Variants in NRIP1 observed in about 807,000 individuals in gnomAD.
The protein encoded by NRIP1 is nuclear receptor interacting protein 1, also known as nuclear receptor-interacting protein 1.
NRIP1 carries 28 observed loss-of-function variants against 75.0 expected under a neutral mutation model. The observed-to-expected ratio is 0.37, with a 90% CI of 0.28 to 0.51. The LOEUF is 0.51. Among genes scored for constraint, NRIP1 ranks in the 20% least tolerant of loss-of-function variants. The pLI, the probability that NRIP1 is intolerant of heterozygous loss-of-function variation, is 0.92. For missense variants in NRIP1, 1,435 were observed against 1,343.7 expected (o/e 1.07, Z -1.06); for synonymous variants, 526 against 487.6 (o/e 1.08, Z -1.04).
chr21:15,044,052 C>T (rs2089017380), intron 1 of NRIP1, among the ~76,000 whole-genome samples: 1 of 152,134 alleles, frequency 6.6e-6, no homozygotes, highest in Non-Finnish European at 1.5e-5. Context: ...CTCCTGACCT[C>T]AGGTGATCCA....
At chr21:14,978,652 C>A (rs1472349205) in intron 3 of NRIP1, among the ~76,000 whole-genome samples, 1 of 151,972 alleles carries the variant, frequency 6.6e-6, no homozygotes, top group East Asian at 1.9e-4. Flanking sequence ...AAAGAAACAC[C>A]CCATAATTGA....
intron 2 of NRIP1, among the ~76,000 whole-genome samples, chr21:15,023,111 T>G (rs1203055679): frequency 6.6e-6 from 1 of 152,148 alleles, no homozygotes; most frequent in Non-Finnish European, 1.5e-5. Context: ...GGAGCTCCTT[T>G]TAAGATCATG....
At chr21:15,025,867 T>C (rs1384524720) in intron 2 of NRIP1, among the ~76,000 whole-genome samples, 1 of 152,188 alleles carries the variant, frequency 6.6e-6, no homozygotes, top group African/African-American at 2.4e-5. Flanking sequence ...AGTCAAAGAC[T>C]GAAGAACTGT....
chr21:15,033,846 G>A (rs892641436), intron 2 of NRIP1, among the ~76,000 whole-genome samples: 2 of 152,142 alleles, frequency 1.3e-5, no homozygotes, highest in Non-Finnish European at 2.9e-5. Flanking sequence ...TCACTCCCCA[G>A]TAAACCTCAA....
intron 3 of NRIP1, among the ~76,000 whole-genome samples, chr21:14,974,932 A>G (rs1453173585): frequency 6.6e-6 from 1 of 151,582 alleles, no homozygotes; most frequent in East Asian, 1.9e-4. Context: ...ACATGGCGAG[A>G]CCCCATCTTT....
At chr21:15,051,344 T>G (rs1170288465) in intron 1 of NRIP1, 1 of 159,606 alleles carries the variant, frequency 6.3e-6, no homozygotes, top group African/African-American at 2.4e-5. Flanking sequence ...TAAAAAATTA[T>G]TACACCTTTA....
At chr21:15,058,275 T>C (rs147349826) in intron 1 of NRIP1, among the ~76,000 whole-genome samples, 2 of 152,290 alleles carry the variant, frequency 1.3e-5, no homozygotes, top group East Asian at 1.9e-4. Flanking sequence ...ACATAACCCA[T>C]TGTGCAAACA....
At position 14,967,901 on chromosome 21, in the gene NRIP1, G is replaced by A. The variant is rs749079684; in HGVS notation, c.292C>T (p.Arg98Trp). 9.4e-5 allele frequency: 152 copies of A among 1,613,948 alleles called. No individual in the cohort carries two copies. Among genetic ancestry groups the A allele is most frequent in the Middle Eastern group, 1.6e-4 (1 of 6,084 alleles). ...ATGATAGAATCAGACAGCCTCTTCC[G>A]CTTTGCTGCATTCCAGTCCTCAGAA... is the stretch of plus-strand genomic sequence containing the variant. ...QSSEDWNAAK[R>W]KRLSDSIMNL... The change falls in exon 4 of 4, where the codon CGG (arginine) becomes TGG (tryptophan). Residue 98 changes from arginine to tryptophan, a missense_variant. Transcript: ENST00000318948.
At chr21:15,005,399 T>C (rs1001168975) in intron 3 of NRIP1, among the ~76,000 whole-genome samples, 1 of 152,158 alleles carries the variant, frequency 6.6e-6, no homozygotes, top group Admixed American at 6.5e-5. Context: ...AAAAGTCTTC[T>C]TCCTCAGTTC....
chr21:15,011,128 T>TG (rs1399250724), intron 3 of NRIP1, among the ~76,000 whole-genome samples: 1 of 152,250 alleles, frequency 6.6e-6, no homozygotes, highest in Non-Finnish European at 1.5e-5. Flanking sequence ...TTTATGAAGT[T>TG]GGACAGGCAT....
Position 14,967,849 on chromosome 21 carries a change from A to G in NRIP1, c.344T>C (p.Leu115Ser), listed in dbSNP as rs2086798468. The G allele has an allele frequency of 6.2e-7, 1 of 1,614,076 alleles. No homozygotes were observed. The highest frequency in any genetic ancestry group is 8.5e-7 in the Non-Finnish European group (1 of 1,180,016). The change falls in exon 4 of 4, where the codon TTG becomes TCG. Residue 115 changes from leucine (L) to serine (S), a missense_variant. Leu to Ser is a moderately radical substitution (Grantham distance 145, BLOSUM62 -2). Coordinates refer to ENST00000318948, the MANE Select transcript of NRIP1 (RefSeq NM_003489.4). ...CACACTGTCAACCATGCCAGCTAGCAAAGCTTCCTTCTTTACGTTTAAATT... is the reference window on the plus strand; with the variant it reads ...CACACTGTCAACCATGCCAGCTAGCGAAGCTTCCTTCTTTACGTTTAAATT... ...IMNLNVKKEA[L>S]LAGMVDSVPK...
intron 3 of NRIP1, among the ~76,000 whole-genome samples, chr21:14,974,928 C>T (rs748861451): frequency 5.3e-5 from 8 of 151,674 alleles, no homozygotes; most frequent in South Asian, 2.1e-4. Flanking sequence ...GGCAACATGG[C>T]GAGACCCCAT....
chr21:15,059,192 A>G (rs1287362105), intron 1 of NRIP1, among the ~76,000 whole-genome samples: 1 of 152,224 alleles, frequency 6.6e-6, no homozygotes, highest in Non-Finnish European at 1.5e-5. Context: ...AATTCCCAGC[A>G]GAATTCTAGT....
chr21:15,063,922 G>A (rs1322191856), intron 1 of NRIP1, among the ~76,000 whole-genome samples: 1 of 152,194 alleles, frequency 6.6e-6, no homozygotes, highest in East Asian at 1.9e-4. Flanking sequence ...CTCCCAGCCT[G>A]TCCGCCTCTA....
intron 1 of NRIP1, chr21:15,050,870 C>T (rs1158857333): frequency 2.2e-6 from 1 of 456,046 alleles, no homozygotes; most frequent in Non-Finnish European, 4.4e-6. Flanking sequence ...AGGCAATATT[C>T]CCCTGCCTGG....
intron 3 of NRIP1, among the ~76,000 whole-genome samples, chr21:15,007,616 T>C (rs1259231344): frequency 6.6e-6 from 1 of 152,162 alleles, no homozygotes; most frequent in Non-Finnish European, 1.5e-5. Flanking sequence ...CATTAAGTAT[T>C]AGGTAAGGGT....
At chr21:15,019,781 C>T (rs1042354694) in intron 2 of NRIP1, among the ~76,000 whole-genome samples, 1 of 152,048 alleles carries the variant, frequency 6.6e-6, no homozygotes, top group African/African-American at 2.4e-5. Context: ...AGCCACCACA[C>T]CTGGCCATTA....
intron 1 of NRIP1, among the ~76,000 whole-genome samples, chr21:15,054,976 T>C (rs1361850985): frequency 2.0e-5 from 3 of 152,214 alleles, no homozygotes; most frequent in Non-Finnish European, 2.9e-5. Flanking sequence ...AGAATATTCC[T>C]TTCCAATTTG....
chr21:14,966,284 A>G lies in NRIP1; in HGVS notation c.1909T>C (p.Cys637Arg), dbSNP rs948259983. The G allele has an allele frequency of 5.6e-6, 9 of 1,614,072 alleles. No homozygotes were observed. Among genetic ancestry groups the G allele is most frequent in the Non-Finnish European group, 7.6e-6 (9 of 1,179,980 alleles). Reference protein sequence around the residue: ...ASKLLQNLAQCGMQSSMSVEE... With the variant: ...ASKLLQNLAQRGMQSSMSVEE... Reference sequence around the variant, plus strand: ...ACTGACATGGATGACTGCATTCCACATTGTGCTAAATTTTGTAACAGCTTA... The same window carrying G: ...ACTGACATGGATGACTGCATTCCACGTTGTGCTAAATTTTGTAACAGCTTA... Residue 637 changes from cysteine to arginine, a missense_variant, in exon 4 of 4, where the codon TGT becomes CGT. By Grantham distance (180) the Cys-to-Arg change is radical (BLOSUM62 -3). Coordinates refer to ENST00000318948, the MANE Select transcript of NRIP1 (RefSeq NM_003489.4).
Sources: allele counts gnomAD v4.1 joint callset (sites outside exome capture counted in the v4.1 genomes callset), GRCh38; gene constraint gnomAD v4.1.1; transcripts MANE v1.5; gene names NCBI Gene and HGNC (gene_info 2026-07-23, HGNC 2026-07-21).